PEX14: variants seen among roughly 807,000 people sequenced by gnomAD.
The protein encoded by PEX14 is peroxisomal membrane protein PEX14.
In PEX14, 15 loss-of-function variants were observed where a neutral mutation model predicts 49.5. The ratio of observed to expected loss-of-function variants is 0.30; its 90% CI spans 0.20 to 0.47. The LOEUF (loss-of-function observed/expected upper bound fraction) is 0.47. PEX14 is among the 20% of genes least tolerant of loss of function. The pLI, the probability that PEX14 is intolerant of heterozygous loss-of-function variation, is 1.00. For synonymous variants in PEX14, 210 were observed against 212.7 expected (o/e 0.99, Z 0.11); for missense variants, 398 against 494.8 (o/e 0.80, Z 1.86).
At chr1:10,535,206 C>T (rs1411094028) in intron 2 of PEX14, among the ~76,000 whole-genome samples, 3 of 152,206 alleles carry the variant, frequency 2.0e-5, no homozygotes, top group Admixed American at 6.5e-5. Context: ...GGCAGGTGGG[C>T]GTTTCCCATC....
At chr1:10,491,879 C>A (rs993701979) in intron 1 of PEX14, among the ~76,000 whole-genome samples, 2 of 151,850 alleles carry the variant, frequency 1.3e-5, no homozygotes, top group African/African-American at 4.8e-5. Flanking sequence ...GACGGGGTTT[C>A]GCCATGTTGG....
At chr1:10,554,573 A>C (rs965006894) in intron 3 of PEX14, among the ~76,000 whole-genome samples, 4 of 152,192 alleles carry the variant, frequency 2.6e-5, no homozygotes, top group Non-Finnish European at 5.9e-5. Flanking sequence ...TTGCAGCTGC[A>C]GTCAGGTTTT....
chr1:10,544,936 T>C (rs1052624595), intron 3 of PEX14, among the ~76,000 whole-genome samples: 5 of 152,104 alleles, frequency 3.3e-5, no homozygotes, highest in Non-Finnish European at 7.4e-5. Context: ...TAATTTTTTT[T>C]GTATTTTGGG....
In PEX14 at chr1:10,618,391, G is replaced by T; in HGVS notation, c.358G>T (p.Ala120Ser). ...CCTGGCCATCATCATGGCAGGCATT[G>T]CATTTGGCTTTCACCAGCTCTACAA... ...GALAIIMAGI[A>S]FGFHQLYKKY... is the part of the protein sequence containing the mutation. Residue 120 changes from alanine to serine, a missense_variant, in exon 5 of 9, where the codon GCA becomes TCA. This residue lies in a region of PEX14 where 202 missense variants were observed against 298.5 expected (regional missense o/e 0.68). Transcript: ENST00000356607. 1 of 1,613,780 alleles carries T rather than the reference G, an allele frequency of 6.2e-7. No homozygotes were observed.
intron 2 of PEX14, among the ~76,000 whole-genome samples, chr1:10,508,471 G>A (rs985431627): frequency 2.6e-5 from 4 of 152,200 alleles, no homozygotes; most frequent in Admixed American, 1.3e-4. Flanking sequence ...GGTTACAGGC[G>A]TGAGCTGCCG....
chr1:10,579,734 C>G (rs1312246066), intron 3 of PEX14, among the ~76,000 whole-genome samples: 1 of 152,092 alleles, frequency 6.6e-6, no homozygotes, highest in Non-Finnish European at 1.5e-5. Context: ...TGCCATGGCA[C>G]TGGTGGGAGT....
chr1:10,486,574 C>T (rs1186342734), intron 1 of PEX14, among the ~76,000 whole-genome samples: 8 of 151,506 alleles, frequency 5.3e-5, no homozygotes, highest in Admixed American at 2.6e-4. Flanking sequence ...TCTAGCTACT[C>T]GGGAGGCTGA....
intron 2 of PEX14, among the ~76,000 whole-genome samples, chr1:10,513,148 C>T (rs909090413): frequency 1.3e-5 from 2 of 152,074 alleles, no homozygotes; most frequent in African/African-American, 4.8e-5. Flanking sequence ...GAGAAAATAG[C>T]GTGTTTTCAC....
At chr1:10,547,465 C>T (rs554530593) in intron 3 of PEX14, among the ~76,000 whole-genome samples, 5 of 152,252 alleles carry the variant, frequency 3.3e-5, no homozygotes, top group East Asian at 1.9e-4. Context: ...CGTTAGTCCC[C>T]GCCTTAACCA....
chr1:10,610,075 A>G (rs1335077217), intron 4 of PEX14, among the ~76,000 whole-genome samples: 1 of 148,114 alleles, frequency 6.8e-6, no homozygotes, highest in Non-Finnish European at 1.5e-5. Flanking sequence ...TTCATATATA[A>G]TTTATATATG....
intron 2 of PEX14, 69 bp from the exon 3 acceptor site, chr1:10,536,144 A>G: frequency 3.0e-6 from 3 of 990,670 alleles, no homozygotes; most frequent in Middle Eastern, 2.1e-4. Context: ...AAAAACTCCT[A>G]GGATTTTTAA....
At position 10,618,354 on chromosome 1, in the gene PEX14, A is replaced by G. The variant is rs1641490463; in HGVS notation, c.321A>G (p.Arg107=). The G allele has an allele frequency of 6.2e-7, 1 of 1,613,820 alleles. No individual in the cohort carries two copies. Among genetic ancestry groups the G allele is most frequent in the Non-Finnish European group, 8.5e-7 (1 of 1,180,024 alleles). ...QPYSPAGSRW[R]DYGALAIIMA... Reference sequence around the variant, plus strand: ...TAGGTCCCGCAGGCTCCCGATGGCGAGATTACGGCGCCCTGGCCATCATCA... The same window carrying G: ...TAGGTCCCGCAGGCTCCCGATGGCGGGATTACGGCGCCCTGGCCATCATCA... The change falls in exon 5 of 9, where the codon CGA becomes CGG. Residue 107 remains arginine (R), a synonymous_variant. Coordinates refer to ENST00000356607, the MANE Select transcript of PEX14 (RefSeq NM_004565.3).
intron 2 of PEX14, among the ~76,000 whole-genome samples, chr1:10,520,156 T>TG (rs1297674660): frequency 1.1e-5 from 1 of 93,948 alleles, no homozygotes; most frequent in Non-Finnish European, 2.4e-5. Context: ...TTCTTTTTTT[T>TG]TTTTTTGTTT....
intron 3 of PEX14, among the ~76,000 whole-genome samples, chr1:10,557,361 G>A (rs1465616217): frequency 6.6e-6 from 1 of 152,126 alleles, no homozygotes; most frequent in African/African-American, 2.4e-5. Flanking sequence ...CGAGGTGGGC[G>A]GATCACTTGA....
At chr1:10,544,665 C>T (rs544301678) in intron 3 of PEX14, among the ~76,000 whole-genome samples, 1 of 152,170 alleles carries the variant, frequency 6.6e-6, no homozygotes, top group Non-Finnish European at 1.5e-5. Context: ...TTCCTCCTAC[C>T]CCTTGGTAAT....
intron 7 of PEX14, among the ~76,000 whole-genome samples, chr1:10,625,938 A>G (rs1338461253): frequency 6.6e-6 from 1 of 152,154 alleles, no homozygotes; most frequent in African/African-American, 2.4e-5. Context: ...GCATGGGGCC[A>G]CTGGCTTGGC....
chr1:10,576,431 G>A (rs907486902), intron 3 of PEX14, among the ~76,000 whole-genome samples: 2 of 152,092 alleles, frequency 1.3e-5, no homozygotes, highest in African/African-American at 4.8e-5. Flanking sequence ...AGAAACTAAG[G>A]AAAGAGATGA....
At chr1:10,517,751 A>C (rs1641997123) in intron 2 of PEX14, among the ~76,000 whole-genome samples, 1 of 150,312 alleles carries the variant, frequency 6.7e-6, no homozygotes, top group East Asian at 2.0e-4. Context: ...TTGTCAGAGT[A>C]TATGGGGGGC....
intron 3 of PEX14, among the ~76,000 whole-genome samples, chr1:10,588,032 G>A (rs912417415): frequency 2.7e-5 from 4 of 150,552 alleles, no homozygotes; most frequent in African/African-American, 4.9e-5. Context: ...AGACCAGCCT[G>A]GCCAAGATAG....
Sources: gnomAD v4.1 joint callset for allele counts (sites outside exome capture counted in the v4.1 genomes callset) on GRCh38, gnomAD v4.1.1 for gene constraint, gnomAD v4.1.1 regional missense constraint, MANE v1.5 for transcripts, NCBI Gene and HGNC (gene_info 2026-07-23, HGNC 2026-07-21) for gene names.